Variants in TMEM223 observed in about 807,000 individuals in gnomAD.
The protein encoded by TMEM223 is transmembrane protein 223.
In TMEM223, 14 loss-of-function variants were observed where a neutral mutation model predicts 14.1. That is an observed-to-expected ratio of 0.99 (90% CI 0.66 to 1.55). The LOEUF (loss-of-function observed/expected upper bound fraction) is 1.55, where lower values mean the gene tolerates loss of function less well. Among genes scored for constraint, TMEM223 ranks in the 40% most tolerant of loss-of-function variants. The pLI, the probability that TMEM223 is intolerant of heterozygous loss-of-function variation, is 0.00. For missense variants in TMEM223, 346 were observed against 269.9 expected (o/e 1.28, Z -1.97); for synonymous variants, 145 against 120.5 (o/e 1.20, Z -1.33).
intron 2 of TMEM223, among the ~76,000 whole-genome samples, chr11:62,774,008 G>C (rs2084168027): frequency 6.6e-6 from 1 of 152,158 alleles, no homozygotes; most frequent in Admixed American, 6.6e-5. Context: ...TAGGAGATAA[G>C]AGGTAAGAGG....
Position 62,791,932 on chromosome 11 carries a change from G to A in TMEM223, c.63C>T (p.Thr21=), listed in dbSNP as rs765474231. The A allele has an allele frequency of 5.0e-6, 8 of 1,596,000 alleles. No individual in the cohort carries two copies. The highest frequency in any genetic ancestry group is 6.0e-6 in the Non-Finnish European group (7 of 1,171,808). ...GCGTCGTGCCTTGCAGGGGCCGGCA[G>A]GTGAGCAGGGGCCGCAGCACGGCTA... ...GLLAVLRPLL[T]CRPLQGTTLQ... is the part of the protein sequence containing the mutation. Residue 21 remains threonine, a synonymous_variant, in exon 1 of 2, where the codon ACC becomes ACT. Transcript: ENST00000307366.
At chr11:62,778,025 C>G in intron 1 of TMEM223, 1 of 1,614,222 alleles carries the variant, frequency 6.2e-7, no homozygotes, top group Non-Finnish European at 8.5e-7. Flanking sequence ...TGCGCCCCGC[C>G]AGGGAGGGTG....
intron 2 of TMEM223, among the ~76,000 whole-genome samples, chr11:62,774,123 C>G (rs1197280909): frequency 2.0e-5 from 3 of 151,960 alleles, no homozygotes; most frequent in Non-Finnish European, 4.4e-5. Flanking sequence ...GTTGCCCAGG[C>G]TGGAGTGCAG....
At chr11:62,783,784 C>T (rs1590937523), downstream of TMEM223, among the ~76,000 whole-genome samples, 4 of 151,706 alleles carry the variant, frequency 2.6e-5, no homozygotes, top group South Asian at 2.1e-4. Flanking sequence ...CTGCCTGCCT[C>T]GGCTTCCCAT....
At position 62,790,440 on chromosome 11, in the gene TMEM223, T is replaced by G. The variant is rs1317910100; in HGVS notation, c.*183A>C. ...CCATTCTAAGATTGGCGTTTTTTTTTGTTTTTTTTTTTGTAAATAGAGACA... is the reference window on the plus strand; with the variant it reads ...CCATTCTAAGATTGGCGTTTTTTTTGGTTTTTTTTTTTGTAAATAGAGACA... On this transcript the variant is annotated 3_prime_UTR_variant, in exon 2 of 2. Transcript: ENST00000307366. 7.1e-5 allele frequency: 43 copies of G among 607,220 alleles called. No homozygotes were observed. The highest frequency in any genetic ancestry group is 1.5e-4 in the East Asian group (5 of 33,764). 37.6% of individuals were successfully genotyped at this position (607,220 alleles called of 1,614,324 possible). A position where few individuals can be genotyped will look rare whatever the true frequency, so the allele number is the denominator to read the frequency against.
rs553361720 is a variant in TMEM223, at chr11:62,779,017, C to T, written c.315-4352G>A. On this transcript the variant is annotated intron_variant, in intron 1 of 2. Coordinates refer to the TMEM223 transcript ENST00000528367. ...AAAGTTGAAATTGTAAATTCTAGAC[C>T]TGTTTTTTTTTTTTTTTTTTGAGAC... The T allele has an allele frequency of 4.2e-5, 53 of 1,263,840 alleles. No individual in the cohort carries two copies. In the African/African-American group the frequency reaches 5.3e-4, roughly 13 times the overall value. The allele number at this position is 1,263,840 out of a possible 1,614,324, so 78.3% of individuals were successfully genotyped here. A position where few individuals can be genotyped will look rare whatever the true frequency, so the allele number is the denominator to read the frequency against.
intron 1 of TMEM223, 130 bp from the exon 2 acceptor site, chr11:62,791,045 C>T: frequency 3.1e-6 from 3 of 974,440 alleles, no homozygotes; most frequent in Non-Finnish European, 4.4e-6. Flanking sequence ...TTTTTTGAGA[C>T]TGAGTCTCAC....
At chr11:62,771,903 C>T (rs1295827294) in exon 3 of TMEM223, 4 of 316,302 alleles carry the variant, frequency 1.3e-5, no homozygotes, top group African/African-American at 8.7e-5. Flanking sequence ...AGCTTCACAA[C>T]GATCTATTGG....
chr11:62,787,186 G>C (rs761942014), downstream of TMEM223: 5 of 1,585,646 alleles, frequency 3.2e-6, no homozygotes, highest in Admixed American at 8.5e-5. Flanking sequence ...CGCGCCGTAC[G>C]GGCCTAGCCC....
At chr11:62,780,403 C>G (rs2134712278) in intron 1 of TMEM223, among the ~76,000 whole-genome samples, 1 of 151,642 alleles carries the variant, frequency 6.6e-6, no homozygotes, top group East Asian at 2.0e-4. Flanking sequence ...CCCAGCTACT[C>G]AGGAGGCTGA....
intron 2 of TMEM223, among the ~76,000 whole-genome samples, chr11:62,774,079 A>C (rs2084168347): frequency 6.6e-6 from 1 of 151,362 alleles, no homozygotes; most frequent in Non-Finnish European, 1.5e-5. Context: ...TTTGTTCTTT[A>C]TTTCTTTTTT....
downstream of TMEM223, chr11:62,787,304 GC>G (rs1243544052): frequency 1.3e-6 from 2 of 1,533,550 alleles, no homozygotes; most frequent in Non-Finnish European, 1.7e-6. Context: ...TGAGTCAGTG[GC>G]CCCTTCGTTC....
chr11:62,787,383 C>T (rs988171704), downstream of TMEM223: 6 of 1,553,462 alleles, frequency 3.9e-6, no homozygotes, highest in African/African-American at 1.4e-5. Flanking sequence ...ATAAGGTGGG[C>T]TTTGGGCGGG....
chr11:62,789,338 G>C, downstream of TMEM223: 2 of 1,613,924 alleles, frequency 1.2e-6, no homozygotes, highest in South Asian at 2.2e-5. Context: ...AGCTATAGCC[G>C]TCTTCCTGGT....
chr11:62,785,302 C>T (rs1320876719), downstream of TMEM223, among the ~76,000 whole-genome samples: 3 of 152,000 alleles, frequency 2.0e-5, no homozygotes, highest in Non-Finnish European at 4.4e-5. Context: ...AGCGATTCTC[C>T]TGCTTCAGCC....
intron 1 of TMEM223, chr11:62,775,921 G>A: frequency 6.2e-7 from 1 of 1,609,382 alleles, no homozygotes; most frequent in Non-Finnish European, 8.5e-7. Context: ...GTCTGAGAGA[G>A]GCCACGCAGG....
intron 1 of TMEM223, chr11:62,775,829 T>G (rs1456775087): frequency 6.2e-7 from 1 of 1,612,344 alleles, no homozygotes; most frequent in East Asian, 2.2e-5. Context: ...CCCTCGGGAG[T>G]CTGTCCGGCT....
At chr11:62,787,425 G>C (rs377436447), downstream of TMEM223, 7,028 of 1,560,478 alleles carry the variant, frequency 4.5e-3, 24 homozygotes, top group Non-Finnish European at 5.6e-3. Flanking sequence ...CTGGTGGTCA[G>C]GGCGCCATGG....
downstream of TMEM223, chr11:62,787,570 G>T (rs759419056): frequency 3.0e-5 from 45 of 1,494,064 alleles, no homozygotes; most frequent in African/African-American, 6.2e-4. Context: ...GGAGCTGGCC[G>T]GTCTGGACAT....
Sources: gnomAD v4.1 joint callset for allele counts (sites outside exome capture counted in the v4.1 genomes callset) on GRCh38, gnomAD v4.1.1 for gene constraint, MANE v1.5 for transcripts, NCBI Gene and HGNC (gene_info 2026-07-23, HGNC 2026-07-21) for gene names.